The following DNER variants were observed in gnomAD, a reference collection of about 807,000 sequenced individuals.
DNER encodes the protein delta/notch like EGF repeat containing.
Under a neutral mutation model 78.2 loss-of-function variants are expected in DNER, and 33 were observed. The observed-to-expected ratio is 0.42, with a 90% CI of 0.32 to 0.56. The LOEUF (loss-of-function observed/expected upper bound fraction) is 0.56, where lower values mean the gene tolerates loss of function less well. Ranked by LOEUF, DNER falls within the 20% of genes least tolerant of loss-of-function variation. DNER has a pLI of 0.11. For synonymous variants in DNER, 417 were observed against 384.8 expected (o/e 1.08, Z -0.98); for missense variants, 918 against 975.3 (o/e 0.94, Z 0.78).
At position 229,418,223 on chromosome 2, in the gene DNER, A is replaced by G; in HGVS notation, c.1494T>C (p.His498=). ...TATATTCCTCCTCACAGTAGAGGCC[A>G]TGGTAACCTGAGGGACAGAGAGAAA... The part of the protein sequence containing the change: ...SYKCLCDPGY[H]GLYCEEEYNE... Residue 498 remains histidine, a synonymous_variant, in exon 9 of 13, where the codon CAT becomes CAC. Coordinates refer to ENST00000341772, the MANE Select transcript of DNER (RefSeq NM_139072.4). 6.2e-7 allele frequency: 1 copy of G among 1,614,010 alleles called. No homozygotes were observed. Among genetic ancestry groups the G allele is most frequent in the South Asian group, 1.1e-5 (1 of 91,068 alleles).
chr2:229,449,695 G>C (rs565095414), intron 7 of DNER, among the ~76,000 whole-genome samples: 108 of 152,210 alleles, frequency 7.1e-4, no homozygotes, highest in Non-Finnish European at 1.4e-3. Flanking sequence ...CCCAAGGCTG[G>C]GTACCAGTTT....
chr2:229,662,713 C>G (rs962820228), intron 1 of DNER, among the ~76,000 whole-genome samples: 1 of 152,190 alleles, frequency 6.6e-6, no homozygotes. Context: ...CTGACCAGAA[C>G]AGACACACCA....
intron 1 of DNER, among the ~76,000 whole-genome samples, chr2:229,667,076 T>C (rs1245469413): frequency 2.0e-5 from 3 of 152,220 alleles, no homozygotes; most frequent in Admixed American, 1.3e-4. Flanking sequence ...CTGTATTGTG[T>C]CAAGTGCTCA....
At chr2:229,387,256 C>A (rs531089022) in intron 11 of DNER, among the ~76,000 whole-genome samples, 1 of 152,024 alleles carries the variant, frequency 6.6e-6, no homozygotes, top group Non-Finnish European at 1.5e-5. Context: ...TGTTCTCACT[C>A]ATAAGTGGGA....
intron 4 of DNER, among the ~76,000 whole-genome samples, chr2:229,564,150 A>G (rs550764231): frequency 2.7e-5 from 4 of 149,056 alleles, no homozygotes; most frequent in East Asian, 4.1e-4. Context: ...CATCACCATC[A>G]TCATCAACAT....
intron 11 of DNER, among the ~76,000 whole-genome samples, chr2:229,368,917 A>T (rs1304403681): frequency 6.6e-6 from 1 of 152,218 alleles, no homozygotes; most frequent in Non-Finnish European, 1.5e-5. Flanking sequence ...CCAGATTTTT[A>T]AAAATAAGAA....
At chr2:229,506,467 C>T (rs1006552783) in intron 6 of DNER, among the ~76,000 whole-genome samples, 1 of 151,526 alleles carries the variant, frequency 6.6e-6, no homozygotes, top group African/African-American at 2.4e-5. Context: ...AGTCTAAGTA[C>T]AATTATCAAA....
At chr2:229,549,333 T>G (rs1389800193) in intron 4 of DNER, among the ~76,000 whole-genome samples, 1 of 152,090 alleles carries the variant, frequency 6.6e-6, no homozygotes, top group Non-Finnish European at 1.5e-5. Context: ...TTAGACGGAG[T>G]CTCACTCTGT....
At chr2:229,437,959 G>C (rs1223114554) in intron 8 of DNER, among the ~76,000 whole-genome samples, 1 of 152,200 alleles carries the variant, frequency 6.6e-6, no homozygotes, top group Non-Finnish European at 1.5e-5. Context: ...CTAGGCTGAA[G>C]GGTGCATAGC....
chr2:229,621,198 C>A (rs1486982904), intron 1 of DNER, among the ~76,000 whole-genome samples: 1 of 152,168 alleles, frequency 6.6e-6, no homozygotes, highest in East Asian at 1.9e-4. Flanking sequence ...TACATGAGTA[C>A]GCCTACCATC....
At chr2:229,387,471 A>T (rs1446951839) in intron 11 of DNER, among the ~76,000 whole-genome samples, 3 of 147,878 alleles carry the variant, frequency 2.0e-5, no homozygotes, top group Non-Finnish European at 4.5e-5. Flanking sequence ...AACTTAAAGT[A>T]TAATAGAAAG....
intron 12 of DNER, 85 bp from the exon 13 acceptor site, chr2:229,358,736 C>T (rs1692146547): frequency 5.4e-6 from 6 of 1,108,756 alleles, no homozygotes; most frequent in Admixed American, 4.3e-5. Flanking sequence ...AATTTATATG[C>T]ATGAATTAAA....
intron 8 of DNER, among the ~76,000 whole-genome samples, chr2:229,434,999 G>A (rs1343713122): frequency 6.6e-6 from 1 of 150,940 alleles, no homozygotes; most frequent in East Asian, 1.9e-4. Flanking sequence ...ACATATTTAG[G>A]TTTAAGGTTA....
At chr2:229,549,143 A>T (rs1696682213) in intron 4 of DNER, among the ~76,000 whole-genome samples, 1 of 152,210 alleles carries the variant, frequency 6.6e-6, no homozygotes, top group Non-Finnish European at 1.5e-5. Flanking sequence ...CATGGAAAGA[A>T]ACACACCAAA....
chr2:229,519,699 G>C (rs1385757997), intron 5 of DNER, among the ~76,000 whole-genome samples: 1 of 152,148 alleles, frequency 6.6e-6, no homozygotes, highest in Non-Finnish European at 1.5e-5. Context: ...CTCGGGTTCA[G>C]AAGATGCGTG....
chr2:229,685,381 G>A (rs1324298165), intron 1 of DNER, among the ~76,000 whole-genome samples: 1 of 152,214 alleles, frequency 6.6e-6, no homozygotes, highest in African/African-American at 2.4e-5. Flanking sequence ...TTACTAATTT[G>A]AATAAAAATA....
chr2:229,477,319 G>A, intron 6 of DNER, 66 bp from the exon 7 acceptor site: 1 of 1,189,866 alleles, frequency 8.4e-7, no homozygotes, highest in East Asian at 2.5e-5. Context: ...GCCACTCTAG[G>A]AATTGATGGA....
intron 6 of DNER, among the ~76,000 whole-genome samples, chr2:229,510,370 C>T (rs192265665): frequency 4.5e-4 from 69 of 152,304 alleles, no homozygotes; most frequent in African/African-American, 1.5e-3. Context: ...AGGCAAAGGC[C>T]GATGCCCACT....
At chr2:229,447,829 A>G (rs1376728684) in intron 7 of DNER, among the ~76,000 whole-genome samples, 1 of 152,194 alleles carries the variant, frequency 6.6e-6, no homozygotes, top group African/African-American at 2.4e-5. Flanking sequence ...TGTGTATATG[A>G]ACATGTGTGT....
Sources: allele counts gnomAD v4.1 joint callset (sites outside exome capture counted in the v4.1 genomes callset), GRCh38; gene constraint gnomAD v4.1.1; transcripts MANE v1.5; gene names NCBI Gene and HGNC (gene_info 2026-07-23, HGNC 2026-07-21).